The following CNTN4 variants were observed in gnomAD, a reference collection of about 807,000 sequenced individuals.
The protein encoded by CNTN4 is contactin-4.
In CNTN4, 77 loss-of-function variants were observed where a neutral mutation model predicts 122.5. The ratio of observed to expected loss-of-function variants is 0.63; its 90% CI spans 0.52 to 0.76. The LOEUF is 0.76. CNTN4 is among the 30% of genes least tolerant of loss of function. The pLI, the probability that CNTN4 is intolerant of heterozygous loss-of-function variation, is 0.00. For synonymous variants in CNTN4, 512 were observed against 447.0 expected (o/e 1.15, Z -1.83); for missense variants, 1,256 against 1,259.1 (o/e 1.00, Z 0.04).
intron 2 of CNTN4, among the ~76,000 whole-genome samples, chr3:2,301,633 A>C (rs1416371731): frequency 4.6e-5 from 7 of 152,166 alleles, no homozygotes; most frequent in African/African-American, 1.7e-4. Context: ...CCTTGAACAG[A>C]AATCATAATC....
intron 12 of CNTN4, among the ~76,000 whole-genome samples, chr3:2,908,602 T>C (rs2094263362): frequency 6.6e-6 from 1 of 152,212 alleles, no homozygotes; most frequent in Admixed American, 6.5e-5. Flanking sequence ...CACCTTGAGA[T>C]AATGAGGCTA....
chr3:2,285,024 C>T (rs1011702021), intron 2 of CNTN4, among the ~76,000 whole-genome samples: 5 of 151,618 alleles, frequency 3.3e-5, no homozygotes, highest in South Asian at 2.1e-4. Flanking sequence ...TAATAAGATA[C>T]GTTTTTATTA....
chr3:2,324,814 T>C (rs117752523), intron 2 of CNTN4, among the ~76,000 whole-genome samples: 14,362 of 151,674 alleles, frequency 0.095, 843 homozygotes, highest in Non-Finnish European at 0.13. Flanking sequence ...TACCCTCCCC[T>C]AGCCCCCAAC....
At chr3:2,708,617 G>A (rs1269202448) in intron 4 of CNTN4, among the ~76,000 whole-genome samples, 6 of 152,140 alleles carry the variant, frequency 3.9e-5, no homozygotes, top group Non-Finnish European at 8.8e-5. Flanking sequence ...CCCACATCAT[G>A]AATATTCAAA....
At chr3:2,655,698 A>G (rs2083558998) in intron 4 of CNTN4, among the ~76,000 whole-genome samples, 1 of 152,214 alleles carries the variant, frequency 6.6e-6, no homozygotes, top group Admixed American at 6.5e-5. Context: ...ATAATAACTT[A>G]AAGCATTGCA....
chr3:2,331,781 G>T (rs1026325433), intron 2 of CNTN4, among the ~76,000 whole-genome samples: 2 of 152,178 alleles, frequency 1.3e-5, no homozygotes, highest in African/African-American at 2.4e-5. Flanking sequence ...TGGGTTGAAT[G>T]AAGGTTGCCA....
intron 3 of CNTN4, among the ~76,000 whole-genome samples, chr3:2,531,902 C>G (rs2077611097): frequency 6.6e-6 from 1 of 152,150 alleles, no homozygotes; most frequent in Non-Finnish European, 1.5e-5. Flanking sequence ...GCAGTGTTCG[C>G]TCTAATACTT....
intron 4 of CNTN4, among the ~76,000 whole-genome samples, chr3:2,663,162 T>C (rs541185931): frequency 1.7e-4 from 26 of 152,228 alleles, no homozygotes; most frequent in African/African-American, 5.3e-4. Flanking sequence ...TTTTGTACTA[T>C]GTTAAGGAGC....
At chr3:2,353,894 G>C (rs569145833) in intron 3 of CNTN4, among the ~76,000 whole-genome samples, 1 of 151,652 alleles carries the variant, frequency 6.6e-6, no homozygotes, top group Admixed American at 6.6e-5. Context: ...GCGAGACTCC[G>C]TCTCAAAAAA....
At chr3:2,959,012 T>A (rs111851270) in intron 13 of CNTN4, among the ~76,000 whole-genome samples, 2,086 of 152,260 alleles carry the variant, frequency 0.014, 21 homozygotes, top group Middle Eastern at 0.027. Flanking sequence ...TATCTGCATA[T>A]ATACAAAGAC....
intron 2 of CNTN4, among the ~76,000 whole-genome samples, chr3:2,138,910 G>A (rs572258216): frequency 4.6e-5 from 7 of 152,110 alleles, no homozygotes; most frequent in African/African-American, 1.7e-4. Flanking sequence ...TCGCCTATGG[G>A]TTTTCTTTCT....
chr3:2,578,818 A>G (rs988217629), intron 4 of CNTN4, among the ~76,000 whole-genome samples: 1 of 152,224 alleles, frequency 6.6e-6, no homozygotes, highest in Non-Finnish European at 1.5e-5. Flanking sequence ...TGGTAGAAAG[A>G]CTTAGTCAAG....
At chr3:2,587,225 A>G (rs1316829008) in intron 4 of CNTN4, among the ~76,000 whole-genome samples, 1 of 152,188 alleles carries the variant, frequency 6.6e-6, no homozygotes, top group Non-Finnish European at 1.5e-5. Context: ...CTCTCAGGGG[A>G]ATTATGATAA....
chr3:2,523,919 T>C (rs2077309562), intron 3 of CNTN4, among the ~76,000 whole-genome samples: 1 of 152,140 alleles, frequency 6.6e-6, no homozygotes, highest in African/African-American at 2.4e-5. Context: ...GAATGTATTA[T>C]TGAAAAGATT....
At chr3:2,407,915 C>A (rs749789464) in intron 3 of CNTN4, among the ~76,000 whole-genome samples, 1 of 152,116 alleles carries the variant, frequency 6.6e-6, no homozygotes, top group African/African-American at 2.4e-5. Context: ...TAATAATACA[C>A]GTATGTACAT....
At chr3:2,194,703 A>C (rs189332224) in intron 2 of CNTN4, among the ~76,000 whole-genome samples, 1 of 152,206 alleles carries the variant, frequency 6.6e-6, no homozygotes, top group Non-Finnish European at 1.5e-5. Flanking sequence ...AGGGCCACGC[A>C]AAGATTGACA....
Position 2,155,739 on chromosome 3 carries a change from G to A in CNTN4, c.-145+55100G>A, listed in dbSNP as rs886075876. ...CTACTGTGAAACCACATTGGTCTTC[G>A]CTTCCTCCAACACAGCTAGCTCTTG... On this transcript the variant is annotated intron_variant, in intron 2 of 24. Transcript: ENST00000418658. 2.6e-5 allele frequency among the ~76,000 whole-genome samples: 4 copies of A among 152,150 alleles called. No individual in the cohort carries two copies. The East Asian group carries it at 5.8e-4, about 22-fold the overall frequency.
chr3:2,531,151 T>C (rs1370901885), intron 3 of CNTN4, among the ~76,000 whole-genome samples: 2 of 152,200 alleles, frequency 1.3e-5, no homozygotes, highest in African/African-American at 2.4e-5. Flanking sequence ...TTTGTGAGTA[T>C]TTTCACTTGT....
intron 14 of CNTN4, among the ~76,000 whole-genome samples, chr3:3,022,309 G>A (rs1289230810): frequency 3.9e-5 from 6 of 152,160 alleles, no homozygotes; most frequent in Admixed American, 3.9e-4. Flanking sequence ...CTACCTTGAT[G>A]GGAGGATTGC....
Sources: allele counts gnomAD v4.1 joint callset (sites outside exome capture counted in the v4.1 genomes callset), GRCh38; gene constraint gnomAD v4.1.1; transcripts MANE v1.5; gene names NCBI Gene and HGNC (gene_info 2026-07-23, HGNC 2026-07-21).